KIAA0513: variants seen among roughly 807,000 people sequenced by gnomAD.
KIAA0513 encodes uncharacterized protein KIAA0513.
Under a neutral mutation model 56.5 loss-of-function variants are expected in KIAA0513, and 39 were observed. The observed-to-expected ratio is 0.69, with a 90% CI of 0.53 to 0.90. The LOEUF (loss-of-function observed/expected upper bound fraction) is 0.90. Ranked by LOEUF, KIAA0513 falls within the 40% of genes least tolerant of loss-of-function variation. The pLI is 0.00. For synonymous variants in KIAA0513, 268 were observed against 215.6 expected, an observed-to-expected ratio of 1.24 and a Z score of -2.13; for missense variants, 591 against 535.2, an observed-to-expected ratio of 1.10 and a Z score of -1.03.
At chr16:85,087,011 A>C in intron 11 of KIAA0513, 61 bp from the exon 12 acceptor site, 1 of 1,504,570 alleles carries the variant, frequency 6.6e-7, no homozygotes, top group East Asian at 2.3e-5. Context: ...ACAAGGGCCC[A>C]GCTCCCCGGC....
At chr16:85,071,724 T>C (rs2073576697) in intron 2 of KIAA0513, 59 bp from the exon 3 acceptor site, 7 of 1,348,250 alleles carry the variant, frequency 5.2e-6, no homozygotes, top group Non-Finnish European at 7.1e-6. Context: ...CCCCTGTTGC[T>C]CCAGGGGATT....
chr16:85,085,007 G>A (rs1467196577), intron 10 of KIAA0513, among the ~76,000 whole-genome samples: 1 of 152,248 alleles, frequency 6.6e-6, no homozygotes, highest in Non-Finnish European at 1.5e-5. Flanking sequence ...TCCTCATTTG[G>A]CTCAGGAAGA....
chr16:85,033,234 G>A (rs1480263697), intron 1 of KIAA0513, among the ~76,000 whole-genome samples: 2 of 152,110 alleles, frequency 1.3e-5, no homozygotes, highest in East Asian at 3.9e-4. Flanking sequence ...GAGGCCATGC[G>A]GCTCCTGACA....
chr16:85,035,794 C>T (rs979970470), intron 1 of KIAA0513, among the ~76,000 whole-genome samples: 33 of 152,094 alleles, frequency 2.2e-4, no homozygotes, highest in Middle Eastern at 3.4e-3. Flanking sequence ...CTGGCTAACA[C>T]AGTGAAACCC....
At chr16:85,065,314 C>A (rs2073464018) in intron 1 of KIAA0513, among the ~76,000 whole-genome samples, 1 of 152,198 alleles carries the variant, frequency 6.6e-6, no homozygotes, top group Non-Finnish European at 1.5e-5. Context: ...GAGGGGAGAC[C>A]CCGACCGGCC....
At chr16:85,057,261 T>C (rs950699336) in intron 1 of KIAA0513, among the ~76,000 whole-genome samples, 1 of 152,222 alleles carries the variant, frequency 6.6e-6, no homozygotes, top group African/African-American at 2.4e-5. Context: ...TGCATTTTAT[T>C]GATCAAAAGA....
In KIAA0513 at chr16:85,077,415, C is replaced by T. The variant is rs1266240325; in HGVS notation, c.575-10C>T. ...TCACTGGCCTCGTCTTGTTCCCTCT[C>T]TCATCCAAGGAAAACCACAGCTGCT... is the stretch of plus-strand genomic sequence containing the variant. On this transcript the variant is annotated splice_polypyrimidine_tract_variant and intron_variant, in intron 5 of 12. Coordinates refer to ENST00000683363, the MANE Select transcript of KIAA0513 (RefSeq NM_001388359.1). 1.9e-6 allele frequency: 3 copies of T among 1,613,476 alleles called. No homozygotes were observed. Among genetic ancestry groups the T allele is most frequent in the Non-Finnish European group, 2.5e-6 (3 of 1,179,656 alleles).
At chr16:85,051,684 C>T (rs1030590633) in intron 1 of KIAA0513, among the ~76,000 whole-genome samples, 2 of 152,150 alleles carry the variant, frequency 1.3e-5, no homozygotes, top group Non-Finnish European at 2.9e-5. Context: ...TTACTTACCC[C>T]CATGGTAAAT....
At chr16:85,033,841 A>G (rs2072999457) in intron 1 of KIAA0513, among the ~76,000 whole-genome samples, 1 of 152,184 alleles carries the variant, frequency 6.6e-6, no homozygotes, top group Non-Finnish European at 1.5e-5. Flanking sequence ...AATTCAAATG[A>G]TACAGAAAGA....
rs1265636944 is a variant in KIAA0513, at chr16:85,087,139, C to A, written c.1159C>A (p.Gln387Lys). The A allele has an allele frequency of 6.2e-7, 1 of 1,614,154 alleles. No individual in the cohort carries two copies. Among genetic ancestry groups the A allele is most frequent in the Non-Finnish European group, 8.5e-7 (1 of 1,179,998 alleles). Reference sequence around the variant, plus strand: ...GCTGTGCAATGACTTCCTGAAGAAGCAGGCTGTGATTGGCAACCTGGATGA... The same window carrying A: ...GCTGTGCAATGACTTCCTGAAGAAGAAGGCTGTGATTGGCAACCTGGATGA... ...KKLCNDFLKK[Q>K]AVIGNLDEEQ... The change falls in exon 12 of 13, where the codon CAG (glutamine) becomes AAG (lysine). Residue 387 changes from glutamine to lysine, a missense_variant. By Grantham distance (53) the Gln-to-Lys change is moderately conservative (BLOSUM62 1). Transcript: ENST00000683363.
rs975510045 is a variant in KIAA0513, at chr16:85,090,717, A to C, written c.*2392A>C. The C allele has an allele frequency of 1.3e-5, 2 of 152,290 alleles. No homozygotes were observed. Among genetic ancestry groups the C allele is most frequent in the African/African-American group, 4.8e-5 (2 of 41,458 alleles). The allele number at this position is 152,290 out of a possible 1,614,324, so 9.4% of individuals were successfully genotyped here. On this transcript the variant is annotated 3_prime_UTR_variant, in exon 13 of 13. Coordinates refer to ENST00000683363, the MANE Select transcript of KIAA0513 (RefSeq NM_001388359.1). ...AAGGTCTCCTCTGTGCTCCATCCAC[A>C]CAGGATGCCGGAGAGACAGCCCCTT... is the stretch of plus-strand genomic sequence containing the variant.
chr16:85,087,341 C>G (rs1418237211), intron 12 of KIAA0513, among the ~76,000 whole-genome samples, 175 bp downstream of exon 12: 1 of 152,198 alleles, frequency 6.6e-6, no homozygotes, highest in African/African-American at 2.4e-5. Flanking sequence ...TAGACAGACG[C>G]ACAGGACACC....
chr16:85,045,185 A>G (rs1477244105), intron 1 of KIAA0513, among the ~76,000 whole-genome samples: 1 of 152,184 alleles, frequency 6.6e-6, no homozygotes, highest in Non-Finnish European at 1.5e-5. Flanking sequence ...AATGGTCTGT[A>G]GCAGTCAGAT....
At chr16:85,060,608 T>C (rs1299928154) in intron 1 of KIAA0513, among the ~76,000 whole-genome samples, 1 of 150,744 alleles carries the variant, frequency 6.6e-6, no homozygotes, top group Non-Finnish European at 1.5e-5. Flanking sequence ...GGAGGCCAAG[T>C]TGGAAGGATT....
At chr16:85,039,920 C>G (rs780089234) in intron 1 of KIAA0513, among the ~76,000 whole-genome samples, 2 of 151,902 alleles carry the variant, frequency 1.3e-5, no homozygotes, top group African/African-American at 4.8e-5. Context: ...CTACACCCTC[C>G]GCCTCCCAGG....
intron 10 of KIAA0513, among the ~76,000 whole-genome samples, chr16:85,085,869 T>C (rs531526450): frequency 4.7e-4 from 72 of 152,354 alleles, no homozygotes; most frequent in Admixed American, 4.6e-3. Context: ...GATGCCGTCT[T>C]ACTGGGTTTT....
rs11860894 is a variant in KIAA0513, at chr16:85,048,893, G to A, written c.-172-18007G>A. Among the ~76,000 whole-genome samples the A allele has an allele frequency of 3.0e-3, 453 of 152,338 alleles. 3 individuals carry two copies. The highest frequency in any genetic ancestry group is 0.011 in the African/African-American group (450 of 41,586). On this transcript the variant is annotated intron_variant, in intron 1 of 12. Transcript: ENST00000683363. ...TCCGATTTCTCCACATTGAGGGGCA[G>A]GTTTTGGGTTGGCCACAGCCCAGAG...
chr16:85,040,416 A>C (rs561827257), intron 1 of KIAA0513, among the ~76,000 whole-genome samples: 1 of 152,012 alleles, frequency 6.6e-6, no homozygotes, highest in Non-Finnish European at 1.5e-5. Context: ...TGTAATCCCA[A>C]CTACTCGGGA....
chr16:85,083,049 G>T (rs911834079), intron 10 of KIAA0513, among the ~76,000 whole-genome samples: 1 of 152,244 alleles, frequency 6.6e-6, no homozygotes, highest in Non-Finnish European at 1.5e-5. Flanking sequence ...GAAGCCACGG[G>T]TGGGGTGCAG....
Sources: gnomAD v4.1 joint callset for allele counts (sites outside exome capture counted in the v4.1 genomes callset) on GRCh38, gnomAD v4.1.1 for gene constraint, MANE v1.5 for transcripts, NCBI Gene and HGNC (gene_info 2026-07-23, HGNC 2026-07-21) for gene names.